Variants in GPHN observed in about 807,000 individuals in gnomAD.
GPHN encodes the protein gephyrin.
A neutral mutation model predicts 95.5 loss-of-function variants in GPHN; 17 were observed. That is an observed-to-expected ratio of 0.18 (90% confidence interval 0.12 to 0.27). The LOEUF (loss-of-function observed/expected upper bound fraction) is 0.27, where lower values mean the gene tolerates loss of function less well. GPHN is among the 10% of genes least tolerant of loss of function. The pLI is 1.00. For synonymous variants in GPHN, 320 were observed against 322.5 expected (o/e 0.99, Z 0.08); for missense variants, 660 against 978.1 (o/e 0.67, Z 4.34).
chr14:66,849,585 G>C (rs2062491995), intron 4 of GPHN, among the ~76,000 whole-genome samples: 1 of 151,736 alleles, frequency 6.6e-6, no homozygotes, highest in African/African-American at 2.4e-5. Flanking sequence ...GCATATTGTA[G>C]AATATTAATC....
chr14:66,779,411 A>G (rs1360142144), intron 3 of GPHN, among the ~76,000 whole-genome samples: 1 of 152,204 alleles, frequency 6.6e-6, no homozygotes, highest in East Asian at 1.9e-4. Context: ...ACTTCTTGAA[A>G]TATATTTTAT....
chr14:66,703,607 A>G (rs952113460), intron 2 of GPHN, among the ~76,000 whole-genome samples: 1 of 85,564 alleles, frequency 1.2e-5, no homozygotes, highest in Non-Finnish European at 1.8e-5. Flanking sequence ...TGTTACCACC[A>G]GGACTGCCTT....
the GPHN span, chr14:67,542,136 T>C: frequency 1.2e-6 from 1 of 805,336 alleles, no homozygotes; most frequent in Non-Finnish European, 1.9e-6. Context: ...CAAGGTAGTT[T>C]AAGACCAAAG....
At chr14:67,647,881 T>C in the GPHN span, 3 of 687,182 alleles carry the variant, frequency 4.4e-6, no homozygotes, top group Non-Finnish European at 4.8e-6. Context: ...CCAATCTCAG[T>C]AACTTCCAAG....
intron 2 of GPHN, among the ~76,000 whole-genome samples, chr14:66,738,371 A>C (rs1029547119): frequency 6.6e-6 from 1 of 152,224 alleles, no homozygotes; most frequent in African/African-American, 2.4e-5. Flanking sequence ...AAGTTACTTT[A>C]TTATAAAGGG....
At chr14:66,614,852 A>G (rs1005921569) in intron 1 of GPHN, among the ~76,000 whole-genome samples, 3 of 151,686 alleles carry the variant, frequency 2.0e-5, no homozygotes, top group Non-Finnish European at 4.4e-5. Context: ...CCCATCCTCT[A>G]AGTTCCTTCC....
At chr14:67,566,910 C>T in the GPHN span, among the ~76,000 whole-genome samples, 1 of 152,060 alleles carries the variant, frequency 6.6e-6, no homozygotes, top group Non-Finnish European at 1.5e-5. Context: ...TCCCCAGGAA[C>T]CTCAGCTGAA....
the GPHN span, chr14:67,729,245 T>TC: frequency 1.9e-6 from 3 of 1,610,158 alleles, no homozygotes; most frequent in Admixed American, 1.7e-5. Flanking sequence ...TCTGAGCTGG[T>TC]CCGGCACTCC....
intron 3 of GPHN, among the ~76,000 whole-genome samples, chr14:66,811,032 A>G (rs1324895457): frequency 6.6e-5 from 10 of 152,266 alleles, no homozygotes; most frequent in Admixed American, 6.5e-4. Context: ...AAATCATTAT[A>G]GTGAACTACA....
At chr14:66,773,011 C>T (rs1477976839) in intron 2 of GPHN, among the ~76,000 whole-genome samples, 1 of 152,112 alleles carries the variant, frequency 6.6e-6, no homozygotes, top group Non-Finnish European at 1.5e-5. Context: ...TTACTTCCTT[C>T]ATTGCTGTTT....
intron 5 of GPHN, among the ~76,000 whole-genome samples, chr14:66,890,014 G>A (rs375947625): frequency 1.2e-3 from 189 of 152,224 alleles, no homozygotes; most frequent in African/African-American, 4.0e-3. Context: ...TAACCCAGAC[G>A]AAGTGGACAA....
chr14:66,750,057 C>T (rs1595777657), intron 2 of GPHN, among the ~76,000 whole-genome samples: 1 of 151,798 alleles, frequency 6.6e-6, no homozygotes, highest in East Asian at 1.9e-4. Context: ...ACTATAGTCA[C>T]CCAGTTTTGC....
chr14:67,131,558 C>T (rs2079711234), intron 17 of GPHN, among the ~76,000 whole-genome samples: 1 of 152,126 alleles, frequency 6.6e-6, no homozygotes, highest in African/African-American at 2.4e-5. Context: ...ATGGTACTGA[C>T]AGTAGAGTTG....
At chr14:66,684,216 G>T (rs12432224) in intron 2 of GPHN, among the ~76,000 whole-genome samples, 2 of 152,082 alleles carry the variant, frequency 1.3e-5, no homozygotes, top group African/African-American at 4.8e-5. Context: ...TAAGAATTAA[G>T]AATTTTAGCC....
the GPHN span, chr14:67,350,672 C>G: frequency 6.2e-7 from 1 of 1,613,372 alleles, no homozygotes; most frequent in Admixed American, 1.7e-5. Flanking sequence ...CTCATCACTT[C>G]GCCCATCAAC....
intron 8 of GPHN, among the ~76,000 whole-genome samples, chr14:66,958,127 T>C (rs765859882): frequency 3.9e-5 from 6 of 152,226 alleles, no homozygotes; most frequent in East Asian, 1.9e-4. Context: ...CCAACTCTTA[T>C]TTTTGAAGTT....
At chr14:66,808,558 T>C (rs2060639920) in intron 3 of GPHN, among the ~76,000 whole-genome samples, 1 of 152,208 alleles carries the variant, frequency 6.6e-6, no homozygotes, top group African/African-American at 2.4e-5. Flanking sequence ...CCCAACACTT[T>C]GGGAGGCCGA....
At chr14:67,398,487 C>T in the GPHN span, among the ~76,000 whole-genome samples, 2 of 152,126 alleles carry the variant, frequency 1.3e-5, no homozygotes, top group Non-Finnish European at 2.9e-5. Context: ...TCTCTTTATT[C>T]CTGCCACCTG....
At chr14:66,638,466 C>CA (rs2064222894) in intron 1 of GPHN, among the ~76,000 whole-genome samples, 1 of 151,832 alleles carries the variant, frequency 6.6e-6, no homozygotes, top group South Asian at 2.1e-4. Context: ...ACAACAACAA[C>CA]AACAAACAAA....
Sources: allele counts gnomAD v4.1 joint callset (sites outside exome capture counted in the v4.1 genomes callset), GRCh38; gene constraint gnomAD v4.1.1; transcripts MANE v1.5; gene names NCBI Gene and HGNC (gene_info 2026-07-23, HGNC 2026-07-21).